Variants in KIZ observed in about 807,000 individuals in gnomAD.
KIZ encodes the protein kizuna centrosomal protein.
In KIZ, 68 loss-of-function variants were observed where a neutral mutation model predicts 79.6. The ratio of observed to expected loss-of-function variants is 0.85; its 90% CI spans 0.70 to 1.05. KIZ has a LOEUF of 1.05. Among genes scored for constraint, KIZ ranks in the 50% least tolerant of loss-of-function variants. The probability of loss-of-function intolerance (pLI) is 0.00; values close to 1 mark genes in which losing one functional copy is unlikely to be tolerated. For missense variants in KIZ, 797 were observed against 800.4 expected (o/e 1.00, Z 0.05); for synonymous variants, 280 against 281.8 (o/e 0.99, Z 0.06).
chr20:21,146,564 C>T (rs894242185), intron 4 of KIZ, among the ~76,000 whole-genome samples: 1 of 152,128 alleles, frequency 6.6e-6, no homozygotes, highest in Non-Finnish European at 1.5e-5. Flanking sequence ...CTATAGCTAC[C>T]GATGGAATCA....
intron 2 of KIZ, among the ~76,000 whole-genome samples, chr20:21,135,239 A>T (rs2032117142): frequency 6.6e-6 from 1 of 152,088 alleles, no homozygotes; most frequent in Non-Finnish European, 1.5e-5. Flanking sequence ...ATGGAACTAG[A>T]ATTTGGATGG....
At chr20:21,156,473 T>C (rs531071990) in intron 4 of KIZ, among the ~76,000 whole-genome samples, 1 of 152,364 alleles carries the variant, frequency 6.6e-6, no homozygotes, top group African/African-American at 2.4e-5. Flanking sequence ...ATTCCTGACA[T>C]GTTTGTGGTG....
intron 1 of KIZ, 115 bp from the exon 2 acceptor site, chr20:21,131,982 T>C (rs1252852716): frequency 1.7e-5 from 10 of 600,708 alleles, no homozygotes; most frequent in Admixed American, 3.6e-5. Flanking sequence ...TTGGGCTTTT[T>C]TTGACCTCTA....
chr20:21,198,921 A>G (rs571880834), intron 6 of KIZ: 2 of 152,512 alleles, frequency 1.3e-5, no homozygotes, highest in East Asian at 1.9e-4. Context: ...GTTTGGGAGG[A>G]GTCCTTCTGC....
chr20:21,160,400 C>T (rs1243764520), intron 4 of KIZ, among the ~76,000 whole-genome samples: 1 of 152,190 alleles, frequency 6.6e-6, no homozygotes, highest in Non-Finnish European at 1.5e-5. Context: ...ATAACACCTG[C>T]GACTCAGTAA....
At chr20:21,201,576 A>G (rs2035600056) in intron 6 of KIZ, among the ~76,000 whole-genome samples, 2 of 152,246 alleles carry the variant, frequency 1.3e-5, no homozygotes. Context: ...ATTACTCTGC[A>G]TTTAAAGTTA....
intron 4 of KIZ, among the ~76,000 whole-genome samples, chr20:21,156,380 A>G (rs1345561270): frequency 6.6e-6 from 1 of 152,234 alleles, no homozygotes; most frequent in Non-Finnish European, 1.5e-5. Context: ...ATGGTATTAC[A>G]TTGTTATCAG....
intron 9 of KIZ, chr20:21,226,257 T>C (rs2036649553): frequency 6.6e-6 from 1 of 152,386 alleles, no homozygotes; most frequent in South Asian, 2.1e-4. Flanking sequence ...GGGCAGGCCC[T>C]TCCTGCTGCT....
chr20:21,166,481 A>T (rs765307927), intron 6 of KIZ: 27 of 1,572,014 alleles, frequency 1.7e-5, no homozygotes, highest in Non-Finnish European at 2.3e-5. Context: ...CATCATCACA[A>T]TGAGAAACCG....
At chr20:21,146,048 A>G (rs77552750) in intron 4 of KIZ, among the ~76,000 whole-genome samples, 2,989 of 152,330 alleles carry the variant, frequency 0.02, 95 homozygotes, top group African/African-American at 0.067. Flanking sequence ...TTGCACAGAA[A>G]ACGTGGAAAG....
At chr20:21,242,156 A>G (rs1287642806) in intron 11 of KIZ, among the ~76,000 whole-genome samples, 1 of 152,090 alleles carries the variant, frequency 6.6e-6, no homozygotes, top group Admixed American at 6.5e-5. Context: ...GAGGGGGAGG[A>G]CTGGCACGTC....
intron 4 of KIZ, among the ~76,000 whole-genome samples, chr20:21,153,319 G>T (rs1054194864): frequency 6.6e-6 from 1 of 152,118 alleles, no homozygotes; most frequent in Non-Finnish European, 1.5e-5. Context: ...TGGTGTGGGG[G>T]TAGGGAGACT....
intron 8 of KIZ, 132 bp from the exon 9 acceptor site, chr20:21,215,451 A>G (rs3748438): frequency 0.33 from 143,824 of 430,754 alleles, 26,083 homozygotes; most frequent in African/African-American, 0.48. Flanking sequence ...CCTTTTAGGA[A>G]CAGTATTGTT....
intron 6 of KIZ, among the ~76,000 whole-genome samples, chr20:21,176,086 G>T (rs2034419336): frequency 6.6e-6 from 1 of 152,108 alleles, no homozygotes. Flanking sequence ...AAGACAAGTG[G>T]ATCACCTGAG....
At chr20:21,213,175 A>T (rs2036140176) in intron 7 of KIZ, among the ~76,000 whole-genome samples, 1 of 152,228 alleles carries the variant, frequency 6.6e-6, no homozygotes, top group Non-Finnish European at 1.5e-5. Flanking sequence ...CAGGGAAGTC[A>T]GGACTAAAGG....
At chr20:21,139,966 T>C (rs1188099103) in intron 3 of KIZ, among the ~76,000 whole-genome samples, 2 of 152,216 alleles carry the variant, frequency 1.3e-5, no homozygotes, top group Admixed American at 6.5e-5. Flanking sequence ...AACTGGACTT[T>C]GGCCATCACC....
chr20:21,151,990 C>T (rs16982518), intron 4 of KIZ, among the ~76,000 whole-genome samples: 2,431 of 152,210 alleles, frequency 0.016, 64 homozygotes, highest in African/African-American at 0.055. Flanking sequence ...CTGCATATGG[C>T]GCCCAGAATC....
chr20:21,186,721 AC>A (rs1250853981), intron 6 of KIZ, among the ~76,000 whole-genome samples: 1 of 152,010 alleles, frequency 6.6e-6, no homozygotes, highest in East Asian at 1.9e-4. Context: ...TCTGAGAATC[AC>A]TACAGTAAAG....
chr20:21,177,636 A>G (rs868431380), intron 6 of KIZ, among the ~76,000 whole-genome samples: 2 of 152,086 alleles, frequency 1.3e-5, no homozygotes, highest in African/African-American at 4.8e-5. Context: ...TTGGTGTCGT[A>G]TCCATGAAAT....
Sources: allele counts gnomAD v4.1 joint callset (sites outside exome capture counted in the v4.1 genomes callset), GRCh38; gene constraint gnomAD v4.1.1; transcripts MANE v1.5; gene names NCBI Gene and HGNC (gene_info 2026-07-23, HGNC 2026-07-21).